Variants in PCCB observed in about 807,000 individuals in gnomAD.
PCCB encodes the protein propionyl-CoA carboxylase subunit beta.
In PCCB, 43 loss-of-function variants were observed where a neutral mutation model predicts 60.7. The observed-to-expected ratio is 0.71, with a 90% CI of 0.55 to 0.91. The LOEUF (loss-of-function observed/expected upper bound fraction) is 0.91. Among genes scored for constraint, PCCB ranks in the 40% least tolerant of loss-of-function variants. The pLI, the probability that PCCB is intolerant of heterozygous loss-of-function variation, is 0.00. For missense variants in PCCB, 766 were observed against 702.8 expected, an observed-to-expected ratio of 1.09 and a Z score of -1.02; for synonymous variants, 276 against 255.9, an observed-to-expected ratio of 1.08 and a Z score of -0.75.
chr3:136,308,617 C>T (rs1934536587), intron 9 of PCCB, among the ~76,000 whole-genome samples: 1 of 152,056 alleles, frequency 6.6e-6, no homozygotes, highest in Non-Finnish European at 1.5e-5. Flanking sequence ...GGACTTTACA[C>T]CCTGGTAATG....
chr3:136,265,578 G>T (rs1415318354), intron 5 of PCCB, among the ~76,000 whole-genome samples: 1 of 152,072 alleles, frequency 6.6e-6, no homozygotes, highest in Admixed American at 6.6e-5. Context: ...CTGGTTCCTG[G>T]CTATCATGAG....
At chr3:136,280,869 G>T (rs539574873) in intron 5 of PCCB, among the ~76,000 whole-genome samples, 4 of 152,138 alleles carry the variant, frequency 2.6e-5, no homozygotes, top group Non-Finnish European at 5.9e-5. Context: ...GTCCAGGCTG[G>T]TCTCAAACTC....
At chr3:136,274,699 G>A (rs1427858180) in intron 5 of PCCB, among the ~76,000 whole-genome samples, 5 of 152,146 alleles carry the variant, frequency 3.3e-5, no homozygotes. Flanking sequence ...TTTCCTCAAT[G>A]ATTCTCTCAA....
chr3:136,318,925 G>A (rs7615252), intron 10 of PCCB, among the ~76,000 whole-genome samples: 1,893 of 152,194 alleles, frequency 0.012, 31 homozygotes, highest in East Asian at 0.047. Flanking sequence ...TTCTGGGTGT[G>A]TACCCAGAAG....
At chr3:136,297,218 G>A (rs751465178) in intron 7 of PCCB, among the ~76,000 whole-genome samples, 14 of 152,160 alleles carry the variant, frequency 9.2e-5, no homozygotes, top group Non-Finnish European at 1.6e-4. Flanking sequence ...TGACTGGCCC[G>A]ATCAGTGAAC....
intron 1 of PCCB, chr3:136,255,454 C>T (rs553174723): frequency 5.2e-4 from 149 of 286,032 alleles, no homozygotes; most frequent in Non-Finnish European, 9.3e-4. Context: ...TAGAAAAAAC[C>T]TGTGTCAGAT....
At chr3:136,290,264 CTTCA>C (rs1933613542) in intron 6 of PCCB, among the ~76,000 whole-genome samples, 1 of 152,058 alleles carries the variant, frequency 6.6e-6, no homozygotes, top group Non-Finnish European at 1.5e-5. Flanking sequence ...TGTATTTTTC[CTTCA>C]CTTTTGAAGA....
At chr3:136,260,641 C>A in intron 4 of PCCB, 106 bp downstream of exon 4, 1 of 937,038 alleles carries the variant, frequency 1.1e-6, no homozygotes, top group Non-Finnish European at 1.7e-6. Flanking sequence ...TGGGGTAGGG[C>A]AGAGGTATGC....
At chr3:136,262,979 G>A (rs1421888215) in intron 5 of PCCB, among the ~76,000 whole-genome samples, 2 of 134,994 alleles carry the variant, frequency 1.5e-5, no homozygotes, top group African/African-American at 2.8e-5. Context: ...TTTTGAGACA[G>A]AGTCTGGCTC....
rs568050952 is a variant in PCCB, at chr3:136,312,359, T to A, written c.967-4582T>A. 3.9e-5 allele frequency among the ~76,000 whole-genome samples: 6 copies of A among 152,318 alleles called. 1 individual carries two copies. In the South Asian group the frequency reaches 1.0e-3, roughly 26 times the overall value. On this transcript the variant is annotated intron_variant, in intron 9 of 14. Coordinates refer to ENST00000251654, the MANE Select transcript of PCCB (RefSeq NM_000532.5). ...ACTGTATGCAGTTGTAACACAATGG[T>A]AAGTATGTATCTAAACATAAAAAGG...
At chr3:136,300,004 A>C (rs1280342222) in intron 8 of PCCB, among the ~76,000 whole-genome samples, 1 of 151,720 alleles carries the variant, frequency 6.6e-6, no homozygotes, top group East Asian at 1.9e-4. Flanking sequence ...ATGCATACCC[A>C]CACATATGCA....
Position 136,283,835 on chromosome 3 carries a change from A to G in PCCB, c.544-2A>G, listed in dbSNP as rs752377212. ...GATGCTTTTGCTTTTCTGTTTTGGC[A>G]GAGGAATGTTACGGCATCCGGAGTC... On this transcript the variant is annotated splice_acceptor_variant, in intron 5 of 14. Transcript: ENST00000251654. LOFTEE classifies it high-confidence loss of function. The G allele has an allele frequency of 2.5e-6, 4 of 1,602,030 alleles. No homozygotes were observed. The highest frequency in any genetic ancestry group is 1.3e-5 in the African/African-American group (1 of 74,682).
chr3:136,313,807 A>C (rs1934766395), intron 9 of PCCB, among the ~76,000 whole-genome samples: 1 of 152,214 alleles, frequency 6.6e-6, no homozygotes, highest in Non-Finnish European at 1.5e-5. Context: ...TTTTGTAGCT[A>C]AGTTAGCAGT....
chr3:136,299,464 G>A (rs1033938651), intron 8 of PCCB, among the ~76,000 whole-genome samples: 1 of 151,270 alleles, frequency 6.6e-6, no homozygotes, highest in Non-Finnish European at 1.5e-5. Context: ...GCATGTGTAT[G>A]TATAGGTATG....
intron 6 of PCCB, among the ~76,000 whole-genome samples, chr3:136,287,851 T>C (rs1375458686): frequency 2.6e-5 from 4 of 152,354 alleles, no homozygotes; most frequent in Non-Finnish European, 5.9e-5. Flanking sequence ...ATATGTGTCT[T>C]GGTGCGCACA....
rs576062299 is a variant in PCCB at position 136,256,741 on chromosome 3, G to T, written c.372+118G>T. The T allele has an allele frequency of 2.4e-5, 18 of 765,474 alleles. No individual in the cohort carries two copies. In the African/African-American group the frequency reaches 3.1e-4, roughly 13 times the overall value. The allele number at this position is 765,474 out of a possible 1,614,324, so 47.4% of individuals were successfully genotyped here. On this transcript the variant is annotated intron_variant, in intron 3 of 14. Coordinates refer to ENST00000251654, the MANE Select transcript of PCCB (RefSeq NM_000532.5). ...TGCTTGTAGTTTGGGGAAAATGAGG[G>T]ATTTGCTTTGCTTTTCAGTGCGTGT...
chr3:136,267,718 C>T (rs112452404), intron 5 of PCCB, among the ~76,000 whole-genome samples: 1,862 of 152,188 alleles, frequency 0.012, 34 homozygotes, highest in East Asian at 0.047. Context: ...AACTTCTGGA[C>T]TTAAACTGTC....
intron 9 of PCCB, among the ~76,000 whole-genome samples, chr3:136,312,562 A>G (rs185559585): frequency 7.0e-4 from 107 of 152,354 alleles, no homozygotes; most frequent in Non-Finnish European, 1.3e-3. Context: ...ATTTAGGAAA[A>G]TATAAAATTA....
At chr3:136,276,291 G>A (rs1200734504) in intron 5 of PCCB, among the ~76,000 whole-genome samples, 1 of 152,140 alleles carries the variant, frequency 6.6e-6, no homozygotes, top group East Asian at 1.9e-4. Context: ...AAAGCAAATG[G>A]GTAAATGCAA....
Sources: gnomAD v4.1 joint callset for allele counts (sites outside exome capture counted in the v4.1 genomes callset) on GRCh38, gnomAD v4.1.1 for gene constraint, MANE v1.5 for transcripts, NCBI Gene and HGNC (gene_info 2026-07-23, HGNC 2026-07-21) for gene names.